Variants in MTCH1 observed in about 807,000 individuals in gnomAD.
MTCH1 encodes mitochondrial carrier 1, also known as mitochondrial carrier homolog 1.
A neutral mutation model predicts 49.3 loss-of-function variants in MTCH1; 23 were observed. That is an observed-to-expected ratio of 0.47 (90% CI 0.34 to 0.66). MTCH1 has a LOEUF of 0.66. Among genes scored for constraint, MTCH1 ranks in the 30% least tolerant of loss-of-function variants. The pLI, the probability that MTCH1 is intolerant of heterozygous loss-of-function variation, is 0.01. For synonymous variants in MTCH1, 229 were observed against 215.2 expected, an observed-to-expected ratio of 1.06 and a Z score of -0.56; for missense variants, 397 against 532.1, an observed-to-expected ratio of 0.75 and a Z score of 2.50.
intron 11 of MTCH1, chr6:36,969,272 T>C (rs1561902325): frequency 3.0e-6 from 3 of 985,286 alleles, no homozygotes; most frequent in Non-Finnish European, 2.4e-6. Context: ...TCAGTGCTCA[T>C]AGGGAGGACG....
At chr6:36,974,453 C>T (rs938786205) in intron 7 of MTCH1, among the ~76,000 whole-genome samples, 6 of 152,192 alleles carry the variant, frequency 3.9e-5, no homozygotes, top group African/African-American at 1.4e-4. Flanking sequence ...AATCCTCCCG[C>T]CTTGGTCTCC....
rs1429350591 is a variant in MTCH1, at chr6:36,986,135, G to A, written c.39C>T (p.Arg13=). ...ASDPEVAPWA[R]GGAAGMAGAG... ...CTCCCGCCATCCCCGCGGCACCGCC[G>A]CGAGCCCAGGGCGCCACTTCCGGGT... Residue 13 remains arginine, a synonymous_variant, in exon 1 of 12, where the codon CGC becomes CGT. Transcript: ENST00000373627. 2.1e-6 allele frequency: 3 copies of A among 1,435,046 alleles called. No individual in the cohort carries two copies. The Admixed American group carries it at 9.4e-5, about 45-fold the overall frequency. The allele number at this position is 1,435,046 out of a possible 1,614,324, so 88.9% of individuals were successfully genotyped here.
rs1205224554 is a variant in MTCH1 at position 36,977,151 on chromosome 6, C to T, written c.701+48G>A. 1.9e-6 allele frequency: 3 copies of T among 1,600,840 alleles called. No homozygotes were observed. In the African/African-American group the frequency reaches 4.0e-5, roughly 21 times the overall value. ...TCCCAGCACGGCCTGCCCTGGCCGA[C>T]TCTGAAAGGGTAACAGGGCCACTCT... On this transcript the variant is annotated intron_variant, in intron 6 of 11. Coordinates refer to ENST00000373627, the MANE Select transcript of MTCH1 (RefSeq NM_001271641.2). The surrounding 1 kb of genome is among the most constrained non-coding windows in gnomAD (Gnocchi z 5.4).
chr6:36,985,088 T>A (rs937971829), intron 1 of MTCH1, among the ~76,000 whole-genome samples: 20 of 110,694 alleles, frequency 1.8e-4, no homozygotes, highest in African/African-American at 7.0e-4. Context: ...CCTCCCCCCA[T>A]ACGCGTCACC....
intron 1 of MTCH1, among the ~76,000 whole-genome samples, chr6:36,985,491 A>T (rs12213465): frequency 0.078 from 11,772 of 151,358 alleles, 514 homozygotes; most frequent in Non-Finnish European, 0.099. Flanking sequence ...CCTCGCCCCA[A>T]ATTCGCTCCC....
At chr6:36,975,277 T>G (rs1001007481) in intron 7 of MTCH1, among the ~76,000 whole-genome samples, 10 of 152,260 alleles carry the variant, frequency 6.6e-5, no homozygotes, top group Non-Finnish European at 1.2e-4. Flanking sequence ...GTGGTCAGCC[T>G]GTGAGCTTCC....
upstream of MTCH1, chr6:36,986,386 C>T: frequency 2.6e-6 from 1 of 388,058 alleles, no homozygotes; most frequent in South Asian, 1.1e-4. Context: ...GGCGGGCAGC[C>T]GGGGCCCCGG....
In MTCH1 at chr6:36,972,678, C is replaced by G; in HGVS notation, c.880G>C (p.Gly294Arg). The stretch of plus-strand genomic sequence containing the variant: ...TGGGAACCTGGATTCTGGTCGTTTC[C>G]CAGCCCCCCTGGGGTGTCACTCACG... ...DSVSDTPGGLGNDQNPGSQFS... is the reference protein window; with the variant it reads ...DSVSDTPGGLRNDQNPGSQFS... Residue 294 changes from glycine (G) to arginine (R), a missense_variant, in exon 8 of 12, where the codon GGA becomes CGA. Gly to Arg is a moderately radical substitution (Grantham distance 125, BLOSUM62 -2). Coordinates refer to ENST00000373627, the MANE Select transcript of MTCH1 (RefSeq NM_001271641.2). The surrounding 1 kb of genome is among the most constrained non-coding windows in gnomAD (Gnocchi z 4.1). The G allele has an allele frequency of 6.4e-7, 1 of 1,551,190 alleles. No homozygotes were observed. The highest frequency in any genetic ancestry group is 8.7e-7 in the Non-Finnish European group (1 of 1,146,544).
Position 36,968,305 on chromosome 6 carries a change from A to G in MTCH1, c.*598T>C, listed in dbSNP as rs190478682. 4.5e-6 allele frequency: 1 copy of G among 220,880 alleles called. No individual in the cohort carries two copies. Among genetic ancestry groups the G allele is most frequent in the Non-Finnish European group, 9.2e-6 (1 of 109,252 alleles). 13.7% of individuals were successfully genotyped at this position (220,880 alleles called of 1,614,324 possible). On this transcript the variant is annotated 3_prime_UTR_variant, in exon 12 of 12. Coordinates refer to ENST00000373627, the MANE Select transcript of MTCH1 (RefSeq NM_001271641.2). ...AGGCATCACCATTAAACAGATGAGC[A>G]TTAGATGAGGAGGACACATTCTGAG...
intron 2 of MTCH1, among the ~76,000 whole-genome samples, chr6:36,979,577 C>T (rs1187139520): frequency 6.6e-6 from 1 of 152,132 alleles, no homozygotes; most frequent in Non-Finnish European, 1.5e-5. Context: ...AATGTCACAG[C>T]TAGCATGGGT....
chr6:36,985,731 CCGCCGTCCCCACCCCTCT>C, intron 1 of MTCH1, 104 bp downstream of exon 1: 1 of 455,088 alleles, frequency 2.2e-6, no homozygotes, highest in Non-Finnish European at 3.8e-6. Flanking sequence ...CCCCCCAAAC[CCGCCGTCCCCACCCCTCT>C]CCCCAAATCC....
chr6:36,977,313 C>T lies in MTCH1; in HGVS notation c.650-63G>A, dbSNP rs1036408532. The T allele has an allele frequency of 2.5e-6, 4 of 1,571,260 alleles. No individual in the cohort carries two copies. Among genetic ancestry groups the T allele is most frequent in the Non-Finnish European group, 3.5e-6 (4 of 1,145,234 alleles). Reference sequence around the variant, plus strand: ...TGGGCCACACTTCATAATGCTCCAGCCACCGGGTGCCAGGTGCAGAGTGGC... The same window carrying T: ...TGGGCCACACTTCATAATGCTCCAGTCACCGGGTGCCAGGTGCAGAGTGGC... On this transcript the variant is annotated intron_variant, in intron 5 of 11. Coordinates refer to ENST00000373627, the MANE Select transcript of MTCH1 (RefSeq NM_001271641.2). This position sits in a 1 kb window ranked among gnomAD's most constrained non-coding sequence, Gnocchi z 5.4.
intron 2 of MTCH1, among the ~76,000 whole-genome samples, chr6:36,979,071 G>A (rs1184891127): frequency 6.6e-6 from 1 of 152,086 alleles, no homozygotes; most frequent in Non-Finnish European, 1.5e-5. Context: ...CAACCTAAAG[G>A]AGGGAAAAAG....
chr6:36,970,320 G>C lies in MTCH1; in HGVS notation c.1022+86C>G, dbSNP rs1033405547. 7.3e-5 allele frequency: 113 copies of C among 1,547,570 alleles called. 1 individual carries two copies. Among genetic ancestry groups the C allele is most frequent in the Non-Finnish European group, 9.8e-5 (110 of 1,123,378 alleles). On this transcript the variant is annotated intron_variant, in intron 10 of 11. Transcript: ENST00000373627. ...GCCTACACACAGAGCAGGTGGGAGG[G>C]GGCAGAGTGCTGGAAGGGCTCGGTG...
intron 7 of MTCH1, among the ~76,000 whole-genome samples, chr6:36,974,383 T>C (rs1271109964): frequency 6.6e-6 from 1 of 152,096 alleles, no homozygotes; most frequent in Non-Finnish European, 1.5e-5. Context: ...AAAAACATTT[T>C]TGTAGAGACA....
intron 1 of MTCH1, among the ~76,000 whole-genome samples, chr6:36,984,054 T>C (rs147685496): frequency 4.1e-4 from 63 of 152,198 alleles, no homozygotes; most frequent in African/African-American, 1.3e-3. Context: ...AGATCTGCCA[T>C]CATCCAAATG....
chr6:36,985,732 C>CCCG, intron 1 of MTCH1, 121 bp downstream of exon 1: 1 of 697,692 alleles, frequency 1.4e-6, no homozygotes, highest in Non-Finnish European at 2.2e-6. Context: ...CCCCCAAACC[C>CCCG]GCCGTCCCCA....
chr6:36,981,534 C>G, intron 2 of MTCH1, 54 bp downstream of exon 2: 1 of 1,566,178 alleles, frequency 6.4e-7, no homozygotes, highest in Non-Finnish European at 8.7e-7. Context: ...CTGCTCCCCA[C>G]CTGAGGCCTC....
intron 1 of MTCH1, among the ~76,000 whole-genome samples, chr6:36,984,329 C>G (rs1377607232): frequency 2.6e-5 from 4 of 152,184 alleles, no homozygotes; most frequent in African/African-American, 9.7e-5. Context: ...CACCTTCCGC[C>G]ATCAACAATT....
Sources: allele counts gnomAD v4.1 joint callset (sites outside exome capture counted in the v4.1 genomes callset), GRCh38; gene constraint gnomAD v4.1.1; non-coding constraint Gnocchi (gnomAD v3.1); transcripts MANE v1.5; gene names NCBI Gene and HGNC (gene_info 2026-07-23, HGNC 2026-07-21).